Variants in TTC39B observed in about 807,000 individuals in gnomAD.
TTC39B encodes the protein tetratricopeptide repeat domain 39B.
Under a neutral mutation model 96.6 loss-of-function variants are expected in TTC39B, and 92 were observed. The ratio of observed to expected loss-of-function variants is 0.95; its 90% CI spans 0.80 to 1.13. The LOEUF is 1.13. Ranked by LOEUF, TTC39B falls within the 50% of genes most tolerant of loss-of-function variation. The pLI is 0.00. For synonymous variants in TTC39B, 367 were observed against 299.4 expected (o/e 1.23, Z -2.33); for missense variants, 955 against 809.3 (o/e 1.18, Z -2.18).
chr9:15,182,064 T>C (rs1818275518), intron 17 of TTC39B, among the ~76,000 whole-genome samples: 1 of 152,198 alleles, frequency 6.6e-6, no homozygotes, highest in South Asian at 2.1e-4. Flanking sequence ...AATCATATAA[T>C]ATGTGGTCTT....
At chr9:15,298,097 T>A (rs910131366) in intron 1 of TTC39B, among the ~76,000 whole-genome samples, 2 of 152,138 alleles carry the variant, frequency 1.3e-5, no homozygotes, top group African/African-American at 4.8e-5. Flanking sequence ...CAAATTTGCT[T>A]TTTCCCTCTT....
intron 1 of TTC39B, among the ~76,000 whole-genome samples, chr9:15,303,516 C>A (rs866265885): frequency 2.6e-4 from 40 of 151,860 alleles, no homozygotes; most frequent in African/African-American, 9.7e-4. Flanking sequence ...GGACTACAGG[C>A]GGGCACCACC....
intron 3 of TTC39B, among the ~76,000 whole-genome samples, chr9:15,223,039 T>G (rs1390053059): frequency 6.6e-6 from 1 of 152,264 alleles, no homozygotes; most frequent in Non-Finnish European, 1.5e-5. Flanking sequence ...AACTAGTTTG[T>G]AAACAGATTT....
chr9:15,220,067 A>C, intron 3 of TTC39B, among the ~76,000 whole-genome samples: 1 of 152,238 alleles, frequency 6.6e-6, no homozygotes, highest in East Asian at 1.9e-4. Context: ...CCTTTTTTCC[A>C]AAGTGAGAAC....
intron 6 of TTC39B, among the ~76,000 whole-genome samples, chr9:15,204,822 T>A (rs1421652689): frequency 7.2e-5 from 11 of 152,124 alleles, no homozygotes; most frequent in Non-Finnish European, 1.6e-4. Flanking sequence ...AACAAGGTAC[T>A]CACAAAAAGG....
intron 17 of TTC39B, among the ~76,000 whole-genome samples, chr9:15,180,877 A>G (rs535429232): frequency 1.3e-5 from 2 of 152,180 alleles, no homozygotes; most frequent in Non-Finnish European, 2.9e-5. Context: ...AAATAAACTA[A>G]TTATTTCACC....
chr9:15,190,159 G>T (rs1312675154), intron 11 of TTC39B, among the ~76,000 whole-genome samples: 1 of 151,938 alleles, frequency 6.6e-6, no homozygotes, highest in Non-Finnish European at 1.5e-5. Context: ...GAGAACAGAT[G>T]AAAATTATTT....
intron 2 of TTC39B, among the ~76,000 whole-genome samples, chr9:15,261,356 G>A (rs1381614309): frequency 6.6e-6 from 1 of 151,994 alleles, no homozygotes; most frequent in Non-Finnish European, 1.5e-5. Flanking sequence ...CCTGCCTATA[G>A]TCCCAGCTAC....
At chr9:15,173,740 T>C (rs1817780464) in intron 19 of TTC39B, among the ~76,000 whole-genome samples, 1 of 152,212 alleles carries the variant, frequency 6.6e-6, no homozygotes, top group Non-Finnish European at 1.5e-5. Flanking sequence ...CTCTGTGCTG[T>C]TGACTGCAAT....
chr9:15,262,857 C>T (rs1822992196), intron 2 of TTC39B, among the ~76,000 whole-genome samples: 1 of 152,086 alleles, frequency 6.6e-6, no homozygotes, highest in Admixed American at 6.6e-5. Flanking sequence ...GCACCAGAAA[C>T]ATAAGATCAA....
intron 3 of TTC39B, among the ~76,000 whole-genome samples, chr9:15,218,168 CAAAAA>C (rs764511443): frequency 3.4e-5 from 2 of 58,582 alleles, no homozygotes; most frequent in African/African-American, 6.3e-5. Context: ...GACTCTGTCT[CAAAAA>C]AAAAAAAAAA....
At chr9:15,186,754 G>A (rs993075147) in intron 15 of TTC39B, 190 bp downstream of exon 15, 6 of 542,912 alleles carry the variant, frequency 1.1e-5, no homozygotes, top group Non-Finnish European at 1.7e-5. Context: ...CAGTGCAATG[G>A]CATTATTTCA....
intron 2 of TTC39B, among the ~76,000 whole-genome samples, chr9:15,247,017 C>T (rs187206708): frequency 6.6e-6 from 1 of 152,258 alleles, no homozygotes; most frequent in Admixed American, 6.5e-5. Flanking sequence ...AACAAATGAC[C>T]CATTTGCACT....
At chr9:15,204,390 G>A (rs779949652) in intron 6 of TTC39B, among the ~76,000 whole-genome samples, 4 of 151,992 alleles carry the variant, frequency 2.6e-5, no homozygotes, top group South Asian at 2.1e-4. Flanking sequence ...TTAGCCAGGC[G>A]TGGTGGCACA....
At chr9:15,256,482 C>T (rs1822755807) in intron 2 of TTC39B, among the ~76,000 whole-genome samples, 1 of 152,148 alleles carries the variant, frequency 6.6e-6, no homozygotes, top group Non-Finnish European at 1.5e-5. Context: ...AAGCATGGTG[C>T]ATAGGTGCCA....
chr9:15,306,977 G>A lies in TTC39B; in HGVS notation c.240+107C>T. On this transcript the variant is annotated intron_variant, in intron 1 of 19. Coordinates refer to ENST00000512701, the Ensembl canonical transcript of TTC39B. The surrounding 1 kb of genome is among the most constrained non-coding windows in gnomAD (Gnocchi z 5.1). Reference sequence around the variant, plus strand: ...CGCCCGCCAGCCCACCCCAGAGAGGGGACCAAGGGGGCGGGGCCTCGGCCG... The same window carrying A: ...CGCCCGCCAGCCCACCCCAGAGAGGAGACCAAGGGGGCGGGGCCTCGGCCG... 2 of 1,501,440 alleles carry A rather than the reference G, an allele frequency of 1.3e-6. No homozygotes were observed. The highest frequency in any genetic ancestry group is 1.8e-6 in the Non-Finnish European group (2 of 1,117,488). 93.0% of individuals were successfully genotyped at this position (1,501,440 alleles called of 1,614,324 possible).
intron 1 of TTC39B, among the ~76,000 whole-genome samples, chr9:15,272,381 C>A (rs1319181711): frequency 6.6e-6 from 1 of 152,176 alleles, no homozygotes; most frequent in Admixed American, 6.5e-5. Flanking sequence ...CGTGTGCCCT[C>A]CAGTTACAAC....
chr9:15,183,878 C>A (rs1267294478), intron 16 of TTC39B, among the ~76,000 whole-genome samples: 1 of 152,134 alleles, frequency 6.6e-6, no homozygotes, highest in Admixed American at 6.5e-5. Flanking sequence ...CTTGCTCCGT[C>A]ACAGTCACAG....
At chr9:15,234,014 T>C (rs978901127) in intron 2 of TTC39B, among the ~76,000 whole-genome samples, 35 of 119,976 alleles carry the variant, frequency 2.9e-4, no homozygotes, top group Non-Finnish European at 5.2e-4. Flanking sequence ...CGCTGCCCCG[T>C]CTGGGATGTG....
Sources: allele counts gnomAD v4.1 joint callset (sites outside exome capture counted in the v4.1 genomes callset), GRCh38; gene constraint gnomAD v4.1.1; non-coding constraint Gnocchi (gnomAD v3.1); transcripts MANE v1.5; gene names NCBI Gene and HGNC (gene_info 2026-07-23, HGNC 2026-07-21).